Variants in POLA1 observed in about 807,000 individuals in gnomAD.
The protein encoded by POLA1 is DNA polymerase alpha catalytic subunit.
In POLA1, 15 loss-of-function variants were observed where a neutral mutation model predicts 124.0. The observed-to-expected ratio is 0.12, with a 90% confidence interval of 0.08 to 0.19. POLA1 has a LOEUF of 0.19. Ranked by LOEUF, POLA1 falls within the 10% of genes least tolerant of loss-of-function variation. The pLI, the probability that POLA1 is intolerant of heterozygous loss-of-function variation, is 1.00. For synonymous variants in POLA1, 408 were observed against 389.4 expected (o/e 1.05, Z -0.56); for missense variants, 886 against 1,103.4 (o/e 0.80, Z 2.79).
chrX:24,826,463 G>A lies in POLA1; in HGVS notation c.3598G>A (p.Ala1200Thr), dbSNP rs1458214300. The A allele has an allele frequency of 8.3e-7, 1 of 1,206,772 alleles. No homozygotes were observed. Among genetic ancestry groups the A allele is most frequent in the Non-Finnish European group, 1.1e-6 (1 of 892,126 alleles). The change falls in exon 32 of 37, where the codon GCG becomes ACG. Residue 1200 changes from alanine to threonine, a missense_variant. Physicochemically the swap from Ala to Thr is moderately conservative, Grantham distance 58 (BLOSUM62 0). Around this residue, in one of 7 missense-constraint regions of POLA1, gnomAD observed 313 missense variants for 359.7 expected, o/e 0.87. Transcript: ENST00000379068. ...CCTCACTGCAAGTCAGAGGGCCTATGCGCCTGAGCAGCTGCAGAAACAGGA... is the reference window on the plus strand; with the variant it reads ...CCTCACTGCAAGTCAGAGGGCCTATACGCCTGAGCAGCTGCAGAAACAGGA... ...SNLTASQRAY[A>T]PEQLQKQDNL...
chrX:24,985,383 A>C (rs1411136561), intron 36 of POLA1, among the ~76,000 whole-genome samples: 2 of 112,904 alleles, frequency 1.8e-5, no homozygotes, highest in Admixed American at 1.9e-4. Flanking sequence ...GCTAACCCTT[A>C]CTCCATAATA....
At chrX:24,847,333 G>A (rs758206022) in intron 34 of POLA1, among the ~76,000 whole-genome samples, 1 of 111,975 alleles carries the variant, frequency 8.9e-6, no homozygotes, top group Non-Finnish European at 1.9e-5. Flanking sequence ...TAACGGTGGA[G>A]CCTCTAGAAG....
intron 10 of POLA1, 149 bp from the exon 11 acceptor site, chrX:24,723,006 G>T: frequency 2.1e-6 from 1 of 468,398 alleles, no homozygotes; most frequent in Non-Finnish European, 3.8e-6. Flanking sequence ...AACTGGTCTT[G>T]GGGAGTGGGA....
At chrX:24,715,263 A>G in intron 6 of POLA1, 60 bp downstream of exon 6, 1 of 737,700 alleles carries the variant, frequency 1.4e-6, no homozygotes, top group Non-Finnish European at 2.1e-6. Flanking sequence ...GAAACACTCT[A>G]GTAATTATAC....
In POLA1 at chrX:24,991,204, C is replaced by G. The variant is rs5943998; in HGVS notation, c.4262-4601C>G. Among the ~76,000 whole-genome samples the G allele has an allele frequency of 1.5e-4, 16 of 108,926 alleles. 1 individual carries two copies. The highest frequency in any genetic ancestry group is 1.3e-3 in the South Asian group (3 of 2,392). The allele number at this position is 108,926 out of a possible 115,157, so 94.6% of individuals were successfully genotyped here. On this transcript the variant is annotated intron_variant, in intron 36 of 36. Coordinates refer to ENST00000379068, the MANE Select transcript of POLA1 (RefSeq NM_001330360.2). ...TTTCCTTCTCTACAACCTCCCCCCC[C>G]ACACCCACCCAAAAAAAAATTCTGT...
intron 34 of POLA1, among the ~76,000 whole-genome samples, chrX:24,876,256 T>C (rs958689744): frequency 1.8e-5 from 2 of 112,231 alleles, no homozygotes; most frequent in Non-Finnish European, 3.8e-5. Flanking sequence ...GGGACAGTAC[T>C]ACAGTTAATA....
intron 36 of POLA1, among the ~76,000 whole-genome samples, chrX:24,949,604 T>TA (rs762001201): frequency 0.036 from 2,749 of 76,400 alleles, 63 homozygotes; most frequent in African/African-American, 0.08. Context: ...GTTTAAACAG[T>TA]AAAAAAAAAA....
intron 36 of POLA1, among the ~76,000 whole-genome samples, chrX:24,991,649 A>G (rs1400018180): frequency 8.9e-6 from 1 of 112,651 alleles, no homozygotes; most frequent in Non-Finnish European, 1.9e-5. Context: ...TGGTGGAGAG[A>G]ATTATAATCA....
At chrX:24,800,421 A>G (rs2045686279) in intron 26 of POLA1, among the ~76,000 whole-genome samples, 1 of 111,141 alleles carries the variant, frequency 9.0e-6, no homozygotes, top group Admixed American at 9.6e-5. Flanking sequence ...TTTTAATTTT[A>G]GTATCTTAGG....
chrX:24,793,615 C>T (rs1016663625), intron 26 of POLA1, among the ~76,000 whole-genome samples: 2 of 111,030 alleles, frequency 1.8e-5, no homozygotes, highest in Non-Finnish European at 3.8e-5. Flanking sequence ...GACAGAATCT[C>T]GCTCTGTTGC....
At chrX:24,826,661 T>G (rs2046178276) in intron 32 of POLA1, 60 bp downstream of exon 32, 2 of 770,843 alleles carry the variant, frequency 2.6e-6, no homozygotes, top group South Asian at 5.5e-5. Flanking sequence ...GTAGTCTTCC[T>G]TGTCTCTTGA....
intron 26 of POLA1, among the ~76,000 whole-genome samples, chrX:24,759,839 C>T (rs11573377): frequency 8.9e-6 from 1 of 111,991 alleles, no homozygotes; most frequent in African/African-American, 3.2e-5. Context: ...TTTTTCTTCC[C>T]CACCCCTCAC....
chrX:24,843,068 T>A (rs926051702), intron 33 of POLA1, among the ~76,000 whole-genome samples: 1 of 112,265 alleles, frequency 8.9e-6, no homozygotes, highest in African/African-American at 3.2e-5. Context: ...ATACTGTTTT[T>A]GTGGTACTAC....
chrX:24,728,908 T>G (rs1485797088), intron 15 of POLA1, among the ~76,000 whole-genome samples: 1 of 112,293 alleles, frequency 8.9e-6, no homozygotes, highest in African/African-American at 3.2e-5. Flanking sequence ...GCCTTATCCT[T>G]CATATTTCCG....
chrX:24,757,975 G>A (rs992660777), intron 26 of POLA1, among the ~76,000 whole-genome samples: 1 of 111,144 alleles, frequency 9.0e-6, no homozygotes, highest in African/African-American at 3.3e-5. Context: ...TGATGAACTT[G>A]TACTAAGGAA....
At chrX:24,735,344 C>A in intron 17 of POLA1, 55 bp from the exon 18 acceptor site, 1 of 706,255 alleles carries the variant, frequency 1.4e-6, no homozygotes, top group Non-Finnish European at 2.3e-6. Context: ...AGCCAAGATA[C>A]AGTACTTGCG....
At chrX:24,902,745 A>G (rs1376661044) in intron 35 of POLA1, among the ~76,000 whole-genome samples, 1 of 111,841 alleles carries the variant, frequency 8.9e-6, no homozygotes, top group Non-Finnish European at 1.9e-5. Flanking sequence ...TCATATAATG[A>G]CAACCACACA....
At chrX:24,845,193 T>C (rs1280709280) in intron 34 of POLA1, among the ~76,000 whole-genome samples, 3 of 111,610 alleles carry the variant, frequency 2.7e-5, no homozygotes, top group Non-Finnish European at 5.7e-5. Context: ...AATAACCTAC[T>C]TTTAGGGATC....
At chrX:24,973,395 AAGAG>A (rs11573515) in intron 36 of POLA1, among the ~76,000 whole-genome samples, 18 of 110,520 alleles carry the variant, frequency 1.6e-4, no homozygotes, top group Non-Finnish European at 3.2e-4. Context: ...AAGAAAAAGA[AAGAG>A]AGAGAGAGAA....
Sources: gnomAD v4.1 joint callset for allele counts (sites outside exome capture counted in the v4.1 genomes callset) on GRCh38, gnomAD v4.1.1 for gene constraint, gnomAD v4.1.1 regional missense constraint, MANE v1.5 for transcripts, NCBI Gene and HGNC (gene_info 2026-07-23, HGNC 2026-07-21) for gene names.